The following ZSWIM5 variants were observed in gnomAD, a reference collection of about 807,000 sequenced individuals.
The protein encoded by ZSWIM5 is zinc finger SWIM-type containing 5.
ZSWIM5 carries 55 observed loss-of-function variants against 119.6 expected under a neutral mutation model. The ratio of observed to expected loss-of-function variants is 0.46; its 90% CI spans 0.37 to 0.58. The LOEUF is 0.58. Ranked by LOEUF, ZSWIM5 falls within the 20% of genes least tolerant of loss-of-function variation. The pLI is 0.00. For missense variants in ZSWIM5, 1,193 were observed against 1,512.8 expected (o/e 0.79, Z 3.51); for synonymous variants, 537 against 606.9 (o/e 0.88, Z 1.69).
chr1:45,112,999 CTTAA>C (rs1487257225), intron 1 of ZSWIM5, among the ~76,000 whole-genome samples: 2 of 152,160 alleles, frequency 1.3e-5, no homozygotes, highest in East Asian at 1.9e-4. Flanking sequence ...AGTCTGAATG[CTTAA>C]TTGATTCTAA....
intron 1 of ZSWIM5, among the ~76,000 whole-genome samples, chr1:45,099,748 G>A (rs346730): frequency 0.055 from 8,363 of 152,114 alleles, 260 homozygotes; most frequent in East Asian, 0.11. Context: ...TTCAACACAC[G>A]CAAATCAATA....
intron 11 of ZSWIM5, among the ~76,000 whole-genome samples, chr1:45,030,713 G>A (rs1644947622): frequency 6.6e-6 from 1 of 151,820 alleles, no homozygotes; most frequent in African/African-American, 2.4e-5. Flanking sequence ...TCTCATTCCT[G>A]ATATTGGTCA....
At chr1:45,180,309 C>T (rs1646008526) in intron 1 of ZSWIM5, among the ~76,000 whole-genome samples, 1 of 152,166 alleles carries the variant, frequency 6.6e-6, no homozygotes, top group Non-Finnish European at 1.5e-5. Context: ...AGGGTCCTAC[C>T]CACGGAGTCT....
rs1223563211 is a variant in ZSWIM5 at position 45,061,642 on chromosome 1, A to G, written c.953-1395T>C. ...TGCCTTGGCCTCCCAAAGTGCTGGG[A>G]TTACAGGTGTGAGCCACCATGCCCA... On this transcript the variant is annotated intron_variant, in intron 2 of 13. Transcript: ENST00000359600. 4.0e-5 allele frequency among the ~76,000 whole-genome samples: 6 copies of G among 150,990 alleles called. No homozygotes were observed. The South Asian group carries it at 1.1e-3, about 27-fold the overall frequency.
chr1:45,055,225 C>T (rs952157746), intron 4 of ZSWIM5, among the ~76,000 whole-genome samples: 2 of 152,226 alleles, frequency 1.3e-5, no homozygotes, highest in Non-Finnish European at 1.5e-5. Flanking sequence ...CTCCTGACCT[C>T]GTGATCCGCC....
intron 1 of ZSWIM5, among the ~76,000 whole-genome samples, chr1:45,196,041 T>G (rs973018675): frequency 1.1e-4 from 16 of 144,598 alleles, no homozygotes; most frequent in African/African-American, 2.9e-4. Flanking sequence ...CTAGTTTTTT[T>G]TTTTTTTTTT....
chr1:45,083,683 A>G lies in ZSWIM5; in HGVS notation c.952+4198T>C, dbSNP rs72684451. Among the ~76,000 whole-genome samples the G allele has an allele frequency of 8.3e-3, 1,270 of 152,308 alleles. 19 individuals carry two copies. Among genetic ancestry groups the G allele is most frequent in the South Asian group, 0.048 (230 of 4,822 alleles). On this transcript the variant is annotated intron_variant, in intron 2 of 13. Transcript: ENST00000359600. The stretch of plus-strand genomic sequence containing the variant: ...CTGGTCTCATTGCCTCTTTCACACT[A>G]GTAGCTAAGTTATTGTATTAGTCTG...
rs893570945 is a variant in ZSWIM5 at position 45,034,296 on chromosome 1, G to A, written c.2449+16C>T. The A allele has an allele frequency of 7.6e-6, 12 of 1,578,772 alleles. No homozygotes were observed. The highest frequency in any genetic ancestry group is 4.1e-5 in the African/African-American group (3 of 74,038). ...CAGACGGGTGATGCTGGAGCTTAAG[G>A]TCTATCTATGCTCACCTTTGGCAGC... On this transcript the variant is annotated intron_variant, in intron 11 of 13. Transcript: ENST00000359600.
intron 1 of ZSWIM5, among the ~76,000 whole-genome samples, chr1:45,182,593 G>A (rs1170841522): frequency 3.3e-5 from 5 of 152,182 alleles, no homozygotes; most frequent in African/African-American, 1.2e-4. Context: ...GGCAGGGGTT[G>A]CAATCCTAGT....
intron 1 of ZSWIM5, among the ~76,000 whole-genome samples, chr1:45,089,845 G>A (rs561492493): frequency 2.6e-5 from 4 of 152,120 alleles, no homozygotes; most frequent in Non-Finnish European, 5.9e-5. Context: ...ATGGTGGCAC[G>A]TGCCTGTAGT....
chr1:45,121,602 CTTTTT>C (rs199811301), intron 1 of ZSWIM5, among the ~76,000 whole-genome samples: 5 of 136,478 alleles, frequency 3.7e-5, no homozygotes, highest in East Asian at 2.1e-4. Flanking sequence ...TTTTCTTCTT[CTTTTT>C]TTTTTTTTTT....
chr1:45,028,501 A>G (rs1461595981), intron 11 of ZSWIM5, among the ~76,000 whole-genome samples: 1 of 152,128 alleles, frequency 6.6e-6, no homozygotes. Context: ...CATGCCTGCA[A>G]TCCCAGCACT....
At chr1:45,157,732 A>T (rs1409497196) in intron 1 of ZSWIM5, among the ~76,000 whole-genome samples, 1 of 152,176 alleles carries the variant, frequency 6.6e-6, no homozygotes, top group Admixed American at 6.5e-5. Flanking sequence ...TCTCGGTCAT[A>T]GGGTAAGTGT....
intron 11 of ZSWIM5, among the ~76,000 whole-genome samples, chr1:45,031,214 TTG>T (rs1644951100): frequency 1.4e-5 from 2 of 147,754 alleles, no homozygotes; most frequent in African/African-American, 2.5e-5. Flanking sequence ...TCTTACTTTG[TTG>T]CCCAGGCTGG....
chr1:45,091,911 TG>T (rs1645366657), intron 1 of ZSWIM5, among the ~76,000 whole-genome samples: 1 of 152,184 alleles, frequency 6.6e-6, no homozygotes, highest in Admixed American at 6.5e-5. Context: ...GGGCTTTCTC[TG>T]TGTATTGTTC....
intron 1 of ZSWIM5, among the ~76,000 whole-genome samples, chr1:45,170,391 G>A (rs1645938873): frequency 6.6e-6 from 1 of 150,954 alleles, no homozygotes; most frequent in African/African-American, 2.4e-5. Context: ...TTAATTTTAG[G>A]AGGAAATGTT....
chr1:45,040,410 A>C lies in ZSWIM5; in HGVS notation c.1738T>G (p.Tyr580Asp). ...ACTATACCTTTCTTCTGATGCTTGTAGATTTCCAGTTGCCGCTGCTGCTGC... is the reference window on the plus strand; with the variant it reads ...ACTATACCTTTCTTCTGATGCTTGTCGATTTCCAGTTGCCGCTGCTGCTGC... ...RLQQQRQLEIYKHQKKELLQR... is the reference protein window; with the variant it reads ...RLQQQRQLEIDKHQKKELLQR... Residue 580 changes from tyrosine to aspartate, a missense_variant, in exon 7 of 14, where the codon TAC becomes GAC. By Grantham distance (160) the Tyr-to-Asp change is radical. Around this residue, in one of 2 missense-constraint regions of ZSWIM5, gnomAD observed 961 missense variants for 1,290.0 expected, o/e 0.74. Transcript: ENST00000359600. 2 of 1,611,024 alleles carry C rather than the reference A, an allele frequency of 1.2e-6. No individual in the cohort carries two copies. The highest frequency in any genetic ancestry group is 1.7e-6 in the Non-Finnish European group (2 of 1,178,722).
In ZSWIM5 at chr1:45,057,705, A is replaced by C. The variant is rs7552211; in HGVS notation, c.1252+904T>G. On this transcript the variant is annotated intron_variant, in intron 4 of 13. Transcript: ENST00000359600. This position sits in a 1 kb window ranked among gnomAD's most constrained non-coding sequence, Gnocchi z 4.7. ...TGACCCTGAGTTCAGGGTATGGAAG[A>C]TTCTGAAAGCAGGGCAAGAAGTATT... is the stretch of plus-strand genomic sequence containing the variant. 0.16 allele frequency among the ~76,000 whole-genome samples: 24,542 copies of C among 152,146 alleles called. 2,646 individuals are homozygous for C. Among genetic ancestry groups the C allele is most frequent in the African/African-American group, 0.3 (12,550 of 41,458 alleles).
intron 1 of ZSWIM5, among the ~76,000 whole-genome samples, chr1:45,196,552 G>A (rs1053219379): frequency 3.3e-5 from 5 of 151,492 alleles, no homozygotes; most frequent in South Asian, 2.1e-4. Flanking sequence ...CACCACGCCC[G>A]GCTAATTTTT....
Sources: gnomAD v4.1 joint callset for allele counts (sites outside exome capture counted in the v4.1 genomes callset) on GRCh38, gnomAD v4.1.1 for gene constraint, gnomAD v4.1.1 regional missense constraint, Gnocchi (gnomAD v3.1) non-coding constraint, MANE v1.5 for transcripts, NCBI Gene and HGNC (gene_info 2026-07-23, HGNC 2026-07-21) for gene names.